Variants in EYS observed in about 807,000 individuals in gnomAD.
EYS encodes protein eyes shut homolog.
A neutral mutation model predicts 282.1 loss-of-function variants in EYS; 250 were observed. The ratio of observed to expected loss-of-function variants is 0.89; its 90% confidence interval spans 0.80 to 0.98. EYS has a LOEUF of 0.98. Among genes scored for constraint, EYS ranks in the 50% least tolerant of loss-of-function variants. The probability of loss-of-function intolerance (pLI) is 0.00; values close to 1 mark genes in which losing one functional copy is unlikely to be tolerated. For missense variants in EYS, 4,016 were observed against 3,709.0 expected (o/e 1.08, Z -2.15); for synonymous variants, 1,355 against 1,282.9 (o/e 1.06, Z -1.20).
chr6:65,623,774 G>C (rs555033094), intron 2 of EYS, among the ~76,000 whole-genome samples: 1 of 152,142 alleles, frequency 6.6e-6, no homozygotes, highest in African/African-American at 2.4e-5. Context: ...TGCAGTAGAC[G>C]TCCAGTGAGT....
intron 2 of EYS, among the ~76,000 whole-genome samples, chr6:65,593,457 C>T (rs1483428944): frequency 6.6e-6 from 1 of 151,988 alleles, no homozygotes; most frequent in East Asian, 1.9e-4. Context: ...TTTAATACCA[C>T]TACATATTAG....
intron 30 of EYS, among the ~76,000 whole-genome samples, chr6:64,275,197 T>G (rs1768069258): frequency 6.6e-6 from 1 of 152,196 alleles, no homozygotes; most frequent in African/African-American, 2.4e-5. Flanking sequence ...TAGTCCAAAT[T>G]AAATCTGCAT....
chr6:64,988,943 G>A (rs2150121107), intron 14 of EYS, among the ~76,000 whole-genome samples: 1 of 151,516 alleles, frequency 6.6e-6, no homozygotes. Context: ...GCAAATCAGT[G>A]TAAGAGCTTT....
chr6:65,527,692 C>T (rs1286956970), intron 2 of EYS, among the ~76,000 whole-genome samples: 1 of 152,188 alleles, frequency 6.6e-6, no homozygotes, highest in African/African-American at 2.4e-5. Flanking sequence ...TTTGCTATCA[C>T]ACTGTTACTC....
At chr6:64,623,547 C>T (rs1344011754) in intron 23 of EYS, among the ~76,000 whole-genome samples, 1 of 152,002 alleles carries the variant, frequency 6.6e-6, no homozygotes, top group Non-Finnish European at 1.5e-5. Context: ...TTATTATTTT[C>T]TAAGCACATA....
At chr6:65,261,340 C>A (rs1215995833) in intron 12 of EYS, among the ~76,000 whole-genome samples, 1 of 151,738 alleles carries the variant, frequency 6.6e-6, no homozygotes, top group Non-Finnish European at 1.5e-5. Context: ...ATAATTTTTA[C>A]ATCTCATCCA....
intron 18 of EYS, among the ~76,000 whole-genome samples, chr6:64,893,922 A>G (rs1330410306): frequency 6.6e-6 from 1 of 152,018 alleles, no homozygotes; most frequent in African/African-American, 2.4e-5. Flanking sequence ...ATATGTATGA[A>G]ACTCCTATGC....
chr6:65,499,917 A>T (rs1766387884), intron 2 of EYS, among the ~76,000 whole-genome samples: 1 of 152,008 alleles, frequency 6.6e-6, no homozygotes, highest in African/African-American at 2.4e-5. Context: ...TGTCTTGATT[A>T]TGACAATGAT....
At chr6:64,346,853 A>G (rs1771422935) in intron 29 of EYS, among the ~76,000 whole-genome samples, 1 of 151,482 alleles carries the variant, frequency 6.6e-6, no homozygotes, top group Non-Finnish European at 1.5e-5. Context: ...ATTTGGAAGG[A>G]AATTAATGAA....
At chr6:63,739,685 A>T (rs1769022352) in intron 41 of EYS, among the ~76,000 whole-genome samples, 1 of 152,076 alleles carries the variant, frequency 6.6e-6, no homozygotes, top group African/African-American at 2.4e-5. Flanking sequence ...TTATGAATTA[A>T]AAAGTAAACT....
intron 5 of EYS, among the ~76,000 whole-genome samples, chr6:65,412,917 T>C (rs1767080281): frequency 6.6e-6 from 1 of 152,168 alleles, no homozygotes; most frequent in South Asian, 2.1e-4. Flanking sequence ...CTCATAAGCT[T>C]GACCCCAAGA....
intron 31 of EYS, among the ~76,000 whole-genome samples, chr6:64,198,409 T>A (rs111556534): frequency 2.2e-4 from 33 of 152,280 alleles, no homozygotes; most frequent in African/African-American, 6.7e-4. Flanking sequence ...GCTACACCCA[T>A]CAACCTGTCA....
At chr6:63,966,774 G>C (rs530507695) in intron 35 of EYS, among the ~76,000 whole-genome samples, 1 of 152,130 alleles carries the variant, frequency 6.6e-6, no homozygotes, top group African/African-American at 2.4e-5. Flanking sequence ...GAGATAATAC[G>C]TATAGAGTAA....
At chr6:65,009,003 G>A (rs1771779714) in intron 13 of EYS, among the ~76,000 whole-genome samples, 1 of 152,166 alleles carries the variant, frequency 6.6e-6, no homozygotes, top group Admixed American at 6.5e-5. Flanking sequence ...ATGCCTGAAA[G>A]CCCCAATCCC....
chr6:64,592,848 G>C (rs1318413005), intron 25 of EYS, among the ~76,000 whole-genome samples: 1 of 152,050 alleles, frequency 6.6e-6, no homozygotes, highest in African/African-American at 2.4e-5. Flanking sequence ...AATGTGCTGG[G>C]ATTGAGGTCC....
intron 2 of EYS, among the ~76,000 whole-genome samples, chr6:65,544,710 T>G (rs889659631): frequency 6.6e-6 from 1 of 152,118 alleles, no homozygotes; most frequent in Non-Finnish European, 1.5e-5. Context: ...ATGTGCTGAG[T>G]AAAATTTTTA....
intron 2 of EYS, among the ~76,000 whole-genome samples, chr6:65,527,996 A>T (rs904143669): frequency 6.6e-6 from 1 of 152,184 alleles, no homozygotes; most frequent in African/African-American, 2.4e-5. Flanking sequence ...ATCAGTTTTT[A>T]AAAACTATTA....
At chr6:64,402,568 A>C (rs1773569735) in intron 28 of EYS, among the ~76,000 whole-genome samples, 1 of 152,190 alleles carries the variant, frequency 6.6e-6, no homozygotes, top group Admixed American at 6.5e-5. Flanking sequence ...TCTGGTCTTT[A>C]TGTTAGGATC....
At chr6:63,983,968 A>G (rs1254997744) in intron 35 of EYS, among the ~76,000 whole-genome samples, 1 of 151,740 alleles carries the variant, frequency 6.6e-6, no homozygotes, top group Admixed American at 6.6e-5. Flanking sequence ...TAGCAATCTA[A>G]GCAGATTCTT....
Sources: gnomAD v4.1 joint callset for allele counts (sites outside exome capture counted in the v4.1 genomes callset) on GRCh38, gnomAD v4.1.1 for gene constraint, MANE v1.5 for transcripts, NCBI Gene and HGNC (gene_info 2026-07-23, HGNC 2026-07-21) for gene names.